The following NELL1 variants were observed in gnomAD, a reference collection of about 807,000 sequenced individuals.
The protein encoded by NELL1 is neural EGFL like 1.
In NELL1, 76 loss-of-function variants were observed where a neutral mutation model predicts 107.4. The ratio of observed to expected loss-of-function variants is 0.71; its 90% CI spans 0.59 to 0.86. The LOEUF is 0.86. NELL1 is among the 40% of genes least tolerant of loss of function. The pLI is 0.00. For synonymous variants in NELL1, 353 were observed against 341.2 expected, an observed-to-expected ratio of 1.03 and a Z score of -0.38; for missense variants, 1,024 against 1,005.5, an observed-to-expected ratio of 1.02 and a Z score of -0.25.
intron 5 of NELL1, among the ~76,000 whole-genome samples, chr11:20,916,835 T>C (rs948356952): frequency 1.3e-4 from 19 of 151,946 alleles, no homozygotes; most frequent in African/African-American, 4.3e-4. Flanking sequence ...ACCTAGAACA[T>C]GAGTGCTGGG....
At chr11:21,254,304 A>C (rs1024679983) in intron 14 of NELL1, among the ~76,000 whole-genome samples, 12 of 152,094 alleles carry the variant, frequency 7.9e-5, no homozygotes, top group Non-Finnish European at 1.8e-4. Context: ...ATGGTACCTG[A>C]AGAAAATATG....
At chr11:21,049,092 G>C (rs1047764984) in intron 12 of NELL1, among the ~76,000 whole-genome samples, 6 of 152,176 alleles carry the variant, frequency 3.9e-5, no homozygotes, top group Admixed American at 6.5e-5. Context: ...GCTCAGCTGA[G>C]TTGTCCTGCA....
intron 16 of NELL1, among the ~76,000 whole-genome samples, chr11:21,537,877 T>C (rs1370717927): frequency 6.6e-6 from 1 of 152,150 alleles, no homozygotes; most frequent in African/African-American, 2.4e-5. Flanking sequence ...ATGAGTCTTT[T>C]ATTTAAAAAA....
intron 12 of NELL1, among the ~76,000 whole-genome samples, chr11:20,980,692 C>T (rs1851732683): frequency 6.6e-6 from 1 of 152,176 alleles, no homozygotes; most frequent in Non-Finnish European, 1.5e-5. Context: ...TTCTGTCTAT[C>T]TCCTCTCTCT....
chr11:21,234,059 G>A (rs763160091), intron 14 of NELL1, among the ~76,000 whole-genome samples: 33 of 152,138 alleles, frequency 2.2e-4, no homozygotes, highest in Admixed American at 3.9e-4. Flanking sequence ...ATTATCTCGC[G>A]TGAAAGAGGC....
At chr11:21,328,603 A>G (rs1022400451) in intron 14 of NELL1, among the ~76,000 whole-genome samples, 1 of 152,082 alleles carries the variant, frequency 6.6e-6, no homozygotes, top group Non-Finnish European at 1.5e-5. Context: ...CCAGAATGGT[A>G]TATCCACCAA....
At chr11:20,721,181 G>GTATA (rs137948986) in intron 2 of NELL1, among the ~76,000 whole-genome samples, 5,444 of 125,726 alleles carry the variant, frequency 0.043, 171 homozygotes, top group South Asian at 0.064. Context: ...TATATTTTGT[G>GTATA]TATATATATA....
chr11:21,152,875 A>C (rs1856149983), intron 13 of NELL1, among the ~76,000 whole-genome samples: 1 of 152,188 alleles, frequency 6.6e-6, no homozygotes, highest in Non-Finnish European at 1.5e-5. Context: ...GAATGATTTC[A>C]GAAATTTGAT....
intron 15 of NELL1, among the ~76,000 whole-genome samples, chr11:21,402,733 C>T (rs1852128802): frequency 6.6e-6 from 1 of 150,958 alleles, no homozygotes; most frequent in African/African-American, 2.4e-5. Context: ...AGTAAATAAG[C>T]TTTATCTCCT....
chr11:20,772,039 A>C (rs1310364949), intron 2 of NELL1, among the ~76,000 whole-genome samples: 2 of 152,248 alleles, frequency 1.3e-5, no homozygotes, highest in South Asian at 4.1e-4. Context: ...GCAGTTGAAC[A>C]TGATGCCCTA....
At chr11:21,477,975 A>G (rs1854391874) in intron 15 of NELL1, among the ~76,000 whole-genome samples, 1 of 151,458 alleles carries the variant, frequency 6.6e-6, no homozygotes, top group Non-Finnish European at 1.5e-5. Flanking sequence ...AGAAAAATGC[A>G]TCTGTATTAG....
chr11:20,853,541 A>G (rs1007133783), intron 4 of NELL1, among the ~76,000 whole-genome samples: 1 of 152,218 alleles, frequency 6.6e-6, no homozygotes, highest in Admixed American at 6.5e-5. Context: ...ATTTAGCTAG[A>G]GGGTATAGGC....
At chr11:21,387,535 G>A (rs1851774574) in intron 15 of NELL1, among the ~76,000 whole-genome samples, 1 of 151,834 alleles carries the variant, frequency 6.6e-6, no homozygotes, top group Non-Finnish European at 1.5e-5. Flanking sequence ...TACTGGTAAG[G>A]TAGTACGGAC....
chr11:21,309,284 A>ATATATATATATGTATATATATATG (rs1565160417), intron 14 of NELL1, among the ~76,000 whole-genome samples: 2 of 62,782 alleles, frequency 3.2e-5, no homozygotes, highest in African/African-American at 2.4e-4. Flanking sequence ...ATATATGTAT[A>ATATATATATATGTATATATATATG]TATATATATA....
chr11:21,124,148 A>G (rs1320549179), intron 13 of NELL1, among the ~76,000 whole-genome samples: 1 of 152,208 alleles, frequency 6.6e-6, no homozygotes, highest in East Asian at 1.9e-4. Context: ...TTCTGTAGAA[A>G]GAAATATAAG....
At chr11:21,074,488 A>G (rs1427636409) in intron 12 of NELL1, among the ~76,000 whole-genome samples, 1 of 152,188 alleles carries the variant, frequency 6.6e-6, no homozygotes, top group Non-Finnish European at 1.5e-5. Context: ...AGGTTTCTAC[A>G]TTTCAAAGAG....
At chr11:21,067,938 C>T (rs560544114) in intron 12 of NELL1, among the ~76,000 whole-genome samples, 220 of 128,998 alleles carry the variant, frequency 1.7e-3, no homozygotes, top group South Asian at 7.7e-3. Flanking sequence ...GAGGTCGAGG[C>T]GGGAAAATAA....
chr11:21,334,343 A>G (rs1850338423), intron 14 of NELL1, among the ~76,000 whole-genome samples: 1 of 151,994 alleles, frequency 6.6e-6, no homozygotes, highest in Non-Finnish European at 1.5e-5. Context: ...AATTCTTCTT[A>G]CCAAAATGCC....
At chr11:21,226,567 T>C (rs1011223997) in intron 13 of NELL1, among the ~76,000 whole-genome samples, 1 of 152,158 alleles carries the variant, frequency 6.6e-6, no homozygotes, top group Non-Finnish European at 1.5e-5. Flanking sequence ...GCCTAAAATA[T>C]TGACTTCAGT....
Sources: allele counts gnomAD v4.1 joint callset (sites outside exome capture counted in the v4.1 genomes callset), GRCh38; gene constraint gnomAD v4.1.1; transcripts MANE v1.5; gene names NCBI Gene and HGNC (gene_info 2026-07-23, HGNC 2026-07-21).